Variants in SYN3 observed in about 807,000 individuals in gnomAD.
The protein encoded by SYN3 is synapsin-3.
In SYN3, 35 loss-of-function variants were observed where a neutral mutation model predicts 65.8. The ratio of observed to expected loss-of-function variants is 0.53; its 90% CI spans 0.41 to 0.70. The LOEUF (loss-of-function observed/expected upper bound fraction) is 0.70, where lower values mean the gene tolerates loss of function less well. SYN3 is among the 30% of genes least tolerant of loss of function. SYN3 has a pLI of 0.00. For synonymous variants in SYN3, 270 were observed against 292.9 expected (o/e 0.92, Z 0.80); for missense variants, 680 against 749.0 (o/e 0.91, Z 1.08).
At chr22:32,622,263 GC>G (rs1173145164) in intron 6 of SYN3, among the ~76,000 whole-genome samples, 2 of 151,820 alleles carry the variant, frequency 1.3e-5, no homozygotes, top group Admixed American at 1.3e-4. Context: ...CTATCTTGTG[GC>G]CCATCTCCAC....
chr22:32,898,290 G>A (rs2049656212), intron 4 of SYN3, among the ~76,000 whole-genome samples: 1 of 152,012 alleles, frequency 6.6e-6, no homozygotes, highest in Non-Finnish European at 1.5e-5. Flanking sequence ...ACTGCGCCCG[G>A]CCCCAGCTAT....
intron 6 of SYN3, among the ~76,000 whole-genome samples, chr22:32,655,675 A>G (rs1170137836): frequency 6.6e-6 from 1 of 152,164 alleles, no homozygotes; most frequent in African/African-American, 2.4e-5. Context: ...ATGATCTGTC[A>G]TTGTCTCCCA....
intron 12 of SYN3, among the ~76,000 whole-genome samples, chr22:32,521,328 C>T (rs749526289): frequency 2.0e-5 from 3 of 152,054 alleles, no homozygotes; most frequent in South Asian, 2.1e-4. Flanking sequence ...TCAAGGAAGC[C>T]GCTGTTAGTA....
At chr22:32,799,007 C>G (rs535074413) in intron 6 of SYN3, among the ~76,000 whole-genome samples, 5 of 152,280 alleles carry the variant, frequency 3.3e-5, no homozygotes, top group African/African-American at 9.6e-5. Flanking sequence ...TTCATTCTTA[C>G]TGTTAGCCTC....
At chr22:32,573,074 G>A (rs1341282716) in intron 7 of SYN3, among the ~76,000 whole-genome samples, 1 of 152,106 alleles carries the variant, frequency 6.6e-6, no homozygotes, top group Non-Finnish European at 1.5e-5. Flanking sequence ...CATTTGTGGT[G>A]GAAATATTTA....
intron 1 of SYN3, among the ~76,000 whole-genome samples, chr22:33,034,647 T>C (rs1186162926): frequency 6.6e-6 from 1 of 152,132 alleles, no homozygotes. Flanking sequence ...ATGTGGCTGT[T>C]TACTCAAGCA....
intron 6 of SYN3, among the ~76,000 whole-genome samples, chr22:32,830,904 C>T (rs1045047644): frequency 3.9e-5 from 6 of 152,216 alleles, no homozygotes; most frequent in Non-Finnish European, 8.8e-5. Context: ...ATCTGCTGGC[C>T]TCAGCCTGGA....
At chr22:32,517,753 T>G (rs1242749723) in intron 13 of SYN3, among the ~76,000 whole-genome samples, 1 of 152,068 alleles carries the variant, frequency 6.6e-6, no homozygotes, top group Non-Finnish European at 1.5e-5. Flanking sequence ...AGAGAATGAT[T>G]GTTTTCTTCA....
chr22:32,903,688 C>T (rs562229993), intron 4 of SYN3, among the ~76,000 whole-genome samples: 1 of 152,240 alleles, frequency 6.6e-6, no homozygotes, highest in Non-Finnish European at 1.5e-5. Flanking sequence ...CTTCCAGGTA[C>T]CCAAGAAGGG....
At chr22:32,881,804 C>T (rs542657729) in intron 4 of SYN3, among the ~76,000 whole-genome samples, 1 of 152,204 alleles carries the variant, frequency 6.6e-6, no homozygotes, top group African/African-American at 2.4e-5. Context: ...GCCTGTAATC[C>T]CAGCATTTTG....
intron 1 of SYN3, among the ~76,000 whole-genome samples, chr22:33,025,746 C>A (rs1372084895): frequency 1.3e-5 from 2 of 151,998 alleles, no homozygotes; most frequent in Non-Finnish European, 2.9e-5. Context: ...GAATTATTAG[C>A]CACAATTCTT....
chr22:32,601,484 A>G (rs200058305), intron 6 of SYN3, among the ~76,000 whole-genome samples: 2 of 152,180 alleles, frequency 1.3e-5, no homozygotes, highest in South Asian at 2.1e-4. Context: ...TCACCGTGTT[A>G]GCCAGAATGG....
intron 12 of SYN3, chr22:32,527,607 A>G (rs1043511469): frequency 1.2e-5 from 3 of 246,606 alleles, no homozygotes; most frequent in Non-Finnish European, 2.4e-5. Context: ...TCAAAAGAAA[A>G]AAAAAAAAAA....
At chr22:32,616,138 G>A (rs1040848780) in intron 6 of SYN3, among the ~76,000 whole-genome samples, 1 of 152,178 alleles carries the variant, frequency 6.6e-6, no homozygotes, top group Non-Finnish European at 1.5e-5. Flanking sequence ...CTGAGTTTCC[G>A]TGTAGAAGCC....
intron 6 of SYN3, among the ~76,000 whole-genome samples, chr22:32,662,783 C>G (rs2060233624): frequency 6.6e-6 from 1 of 152,206 alleles, no homozygotes; most frequent in Non-Finnish European, 1.5e-5. Context: ...ATTCTTAGCA[C>G]TTAAAATATT....
intron 6 of SYN3, among the ~76,000 whole-genome samples, chr22:32,800,961 G>A (rs558986587): frequency 1.3e-4 from 20 of 152,292 alleles, no homozygotes; most frequent in Admixed American, 1.0e-3. Context: ...TTTCTTCATA[G>A]CCCTAGCATC....
In SYN3 at chr22:32,996,805, C is replaced by T. The variant is rs891714481; in HGVS notation, c.311+9547G>A. Among the ~76,000 whole-genome samples, 7 of 152,284 alleles carry T rather than the reference C, an allele frequency of 4.6e-5. 1 individual carries two copies. The highest frequency in any genetic ancestry group is 3.9e-4 in the East Asian group (2 of 5,152). ...GTATGGCTAAAGGAATTCCCTTTTC[C>T]CTGGGCACCCTTTAAGCTCTGGCTG... On this transcript the variant is annotated intron_variant, in intron 2 of 13. Coordinates refer to ENST00000358763, the MANE Select transcript of SYN3 (RefSeq NM_003490.4).
intron 6 of SYN3, among the ~76,000 whole-genome samples, chr22:32,825,988 T>C (rs886507060): frequency 1.3e-5 from 2 of 152,204 alleles, no homozygotes; most frequent in Non-Finnish European, 2.9e-5. Flanking sequence ...GGGAAAAGTC[T>C]TGAAGGTAAT....
intron 3 of SYN3, among the ~76,000 whole-genome samples, chr22:32,942,937 G>A (rs1326870801): frequency 1.3e-5 from 2 of 152,184 alleles, no homozygotes; most frequent in Non-Finnish European, 2.9e-5. Context: ...CAAGAAATAT[G>A]GGACTATGTG....
Sources: gnomAD v4.1 joint callset for allele counts (sites outside exome capture counted in the v4.1 genomes callset) on GRCh38, gnomAD v4.1.1 for gene constraint, MANE v1.5 for transcripts, NCBI Gene and HGNC (gene_info 2026-07-23, HGNC 2026-07-21) for gene names.